Variants in PCDHGA5 observed in about 807,000 individuals in gnomAD.
PCDHGA5 encodes protocadherin gamma-A5.
Under a neutral mutation model 56.7 loss-of-function variants are expected in PCDHGA5, and 36 were observed. That is an observed-to-expected ratio of 0.64 (90% CI 0.49 to 0.84). PCDHGA5 has a LOEUF of 0.84. Among genes scored for constraint, PCDHGA5 ranks in the 40% least tolerant of loss-of-function variants. The pLI is 0.00. For missense variants in PCDHGA5, 1,305 were observed against 1,201.5 expected (o/e 1.09, Z -1.27); for synonymous variants, 563 against 520.2 (o/e 1.08, Z -1.12).
chr5:141,409,248 T>A (rs779725312), intron 1 of PCDHGA5: 3 of 1,614,032 alleles, frequency 1.9e-6, no homozygotes, highest in South Asian at 2.2e-5. Context: ...GAAATAATCA[T>A]CACTTCTCTC....
chr5:141,394,487 C>A, intron 1 of PCDHGA5: 1 of 1,614,248 alleles, frequency 6.2e-7, no homozygotes. Context: ...AGAATGACAA[C>A]GCGCCCGAGA....
At chr5:141,406,431 T>G (rs1316370664) in intron 1 of PCDHGA5, among the ~76,000 whole-genome samples, 3 of 152,352 alleles carry the variant, frequency 2.0e-5, no homozygotes, top group Non-Finnish European at 4.4e-5. Context: ...ATTTATTGCT[T>G]CTATTCTTCC....
rs542553570 is a variant in PCDHGA5 at position 141,372,192 on chromosome 5, T to C, written c.2421+5441T>C. On this transcript the variant is annotated intron_variant, in intron 1 of 3. Coordinates refer to ENST00000518069, the MANE Select transcript of PCDHGA5 (RefSeq NM_018918.3). The stretch of plus-strand genomic sequence containing the variant: ...GGTGGCGGTGGACGCAGACTCGGGA[T>C]ACAACGCCTGGCTGTCCTACCACAT... 6.2e-6 allele frequency: 10 copies of C among 1,613,546 alleles called. No homozygotes were observed. Among genetic ancestry groups the C allele is most frequent in the Middle Eastern group, 1.7e-4 (1 of 6,028 alleles).
chr5:141,366,386 G>C lies in PCDHGA5; in HGVS notation c.2056G>C (p.Asp686His). The C allele has an allele frequency of 6.2e-7, 1 of 1,614,164 alleles. No homozygotes were observed. Among genetic ancestry groups the C allele is most frequent in the South Asian group, 1.1e-5 (1 of 91,090 alleles). ...GSIKTPIDPEDLDLTLYLVVA... is the reference protein window; with the variant it reads ...GSIKTPIDPEHLDLTLYLVVA... ...TATCAAGACCCCCATTGACCCTGAG[G>C]ATCTGGACCTCACACTCTATCTTGT... is the stretch of plus-strand genomic sequence containing the variant. Residue 686 changes from aspartate (D) to histidine (H), a missense_variant, in exon 1 of 4, where the codon GAT becomes CAT. Physicochemically the swap from Asp to His is moderately conservative, Grantham distance 81. Transcript: ENST00000518069.
chr5:141,421,420 G>C, intron 1 of PCDHGA5: 1 of 1,614,084 alleles, frequency 6.2e-7, no homozygotes, highest in Non-Finnish European at 8.5e-7. Context: ...GAAGCGCGGA[G>C]TCCGCATCGT....
At chr5:141,469,543 C>G (rs1031152008) in intron 1 of PCDHGA5, among the ~76,000 whole-genome samples, 4 of 152,040 alleles carry the variant, frequency 2.6e-5, no homozygotes, top group Non-Finnish European at 4.4e-5. Flanking sequence ...CCACTGCACT[C>G]CAGCCTGGCG....
intron 1 of PCDHGA5, chr5:141,377,075 T>A (rs552169121): frequency 6.6e-6 from 1 of 152,554 alleles, no homozygotes; most frequent in South Asian, 2.1e-4. Flanking sequence ...GAGAGTCACA[T>A]AATTCTAATG....
chr5:141,458,506 A>G (rs1443711702), intron 1 of PCDHGA5, among the ~76,000 whole-genome samples: 1 of 150,282 alleles, frequency 6.7e-6, no homozygotes, highest in Non-Finnish European at 1.5e-5. Flanking sequence ...ATACTGTTTG[A>G]CACTTTGTTT....
chr5:141,384,649 C>T lies in PCDHGA5; in HGVS notation c.2421+17898C>T, dbSNP rs778822731. ...GGAGCTGGCACCCCGCTCCGCAGAGCCCGGCTACCTGGTGACCAAGGTGGT... is the reference window on the plus strand; with the variant it reads ...GGAGCTGGCACCCCGCTCCGCAGAGTCCGGCTACCTGGTGACCAAGGTGGT... On this transcript the variant is annotated intron_variant, in intron 1 of 3. Transcript: ENST00000518069. The T allele has an allele frequency of 3.7e-5, 60 of 1,614,114 alleles. No homozygotes were observed. The Middle Eastern group carries it at 4.9e-4, about 13-fold the overall frequency.
chr5:141,425,486 C>T (rs2096878743), intron 1 of PCDHGA5, among the ~76,000 whole-genome samples: 1 of 152,236 alleles, frequency 6.6e-6, no homozygotes, highest in African/African-American at 2.4e-5. Context: ...TGGCAACCTA[C>T]TAGGCTATAC....
intron 3 of PCDHGA5, among the ~76,000 whole-genome samples, chr5:141,510,504 G>A (rs371169260): frequency 1.3e-5 from 2 of 152,154 alleles, no homozygotes; most frequent in African/African-American, 4.8e-5. Flanking sequence ...AAGGAACTGA[G>A]AGCCCGTGTC....
rs2098680935 is a variant in PCDHGA5, at chr5:141,450,471, G to A, written c.2422-44336G>A. 2.0e-5 allele frequency among the ~76,000 whole-genome samples: 3 copies of A among 147,910 alleles called. No homozygotes were observed. In the South Asian group the frequency reaches 6.2e-4, roughly 31 times the overall value. ...GTTTCCTCGTGATTTTATATATAGA[G>A]TTTGTTTGTTTGTTTGTCTGTTTGT... On this transcript the variant is annotated intron_variant, in intron 1 of 3. Transcript: ENST00000518069.
chr5:141,492,552 T>A (rs1444534113), intron 1 of PCDHGA5, among the ~76,000 whole-genome samples: 1 of 152,084 alleles, frequency 6.6e-6, no homozygotes, highest in African/African-American at 2.4e-5. Context: ...CCGGGTCGCC[T>A]GGGGGGCGGC....
intron 1 of PCDHGA5, chr5:141,388,777 A>C: frequency 6.2e-7 from 1 of 1,613,964 alleles, no homozygotes; most frequent in South Asian, 1.1e-5. Flanking sequence ...AACACCGGGG[A>C]AATTACTGTT....
intron 1 of PCDHGA5, among the ~76,000 whole-genome samples, chr5:141,483,207 A>C (rs1225621725): frequency 6.6e-6 from 1 of 152,224 alleles, no homozygotes; most frequent in African/African-American, 2.4e-5. Flanking sequence ...TATTCCATAT[A>C]GATGACAGTC....
intron 1 of PCDHGA5, among the ~76,000 whole-genome samples, chr5:141,406,035 T>C (rs989362338): frequency 4.6e-5 from 7 of 151,898 alleles, no homozygotes; most frequent in Non-Finnish European, 1.0e-4. Flanking sequence ...GGTTGCTTCA[T>C]TGGTTGCAGT....
At chr5:141,420,382 C>CA (rs1414569792) in intron 1 of PCDHGA5, 5 of 1,300,530 alleles carry the variant, frequency 3.8e-6, no homozygotes, top group Non-Finnish European at 5.1e-6. Flanking sequence ...ATAGAGTTCG[C>CA]AAAATATAGG....
At position 141,503,992 on chromosome 5, in the gene PCDHGA5, A is replaced by G. The variant is rs1419698681; in HGVS notation, c.2481-1401A>G. 2.6e-5 allele frequency among the ~76,000 whole-genome samples: 4 copies of G among 152,116 alleles called. No homozygotes were observed. In the East Asian group the frequency reaches 7.7e-4, roughly 29 times the overall value. ...GGTGCCAAACCCTTCTTCTTACCTTACAGTCACTTAACTGTCTCTGCTGGT... is the reference window on the plus strand; with the variant it reads ...GGTGCCAAACCCTTCTTCTTACCTTGCAGTCACTTAACTGTCTCTGCTGGT... On this transcript the variant is annotated intron_variant, in intron 2 of 3. Transcript: ENST00000518069.
Position 141,490,177 on chromosome 5 carries a change from T to C in PCDHGA5, c.2422-4630T>C, listed in dbSNP as rs780298274. 12 of 1,613,622 alleles carry C rather than the reference T, an allele frequency of 7.4e-6. No individual in the cohort carries two copies. The highest frequency in any genetic ancestry group is 1.0e-5 in the Non-Finnish European group (12 of 1,179,932). On this transcript the variant is annotated intron_variant, in intron 1 of 3. Transcript: ENST00000518069. This position sits in a 1 kb window ranked among gnomAD's most constrained non-coding sequence, Gnocchi z 5.4. The stretch of plus-strand genomic sequence containing the variant: ...GTTGGGTCCCATAGACTTTGAGGAG[T>C]CACGTTTCTATGAAATTCATGCAAG...
Sources: allele counts gnomAD v4.1 joint callset (sites outside exome capture counted in the v4.1 genomes callset), GRCh38; gene constraint gnomAD v4.1.1; non-coding constraint Gnocchi (gnomAD v3.1); transcripts MANE v1.5; gene names NCBI Gene and HGNC (gene_info 2026-07-23, HGNC 2026-07-21).